PTPRT: variants seen among roughly 807,000 people sequenced by gnomAD.
PTPRT encodes the protein receptor-type tyrosine-protein phosphatase T.
PTPRT carries 56 observed loss-of-function variants against 176.8 expected under a neutral mutation model. That is an observed-to-expected ratio of 0.32 (90% CI 0.26 to 0.40). The LOEUF (loss-of-function observed/expected upper bound fraction) is 0.40. Among genes scored for constraint, PTPRT ranks in the 10% least tolerant of loss-of-function variants. The probability of loss-of-function intolerance (pLI) is 1.00; values close to 1 mark genes in which losing one functional copy is unlikely to be tolerated. For missense variants in PTPRT, 1,540 were observed against 1,908.2 expected (o/e 0.81, Z 3.60); for synonymous variants, 783 against 739.0 (o/e 1.06, Z -0.96).
At chr20:43,007,916 T>A (rs75595807) in intron 1 of PTPRT, among the ~76,000 whole-genome samples, 1 of 152,134 alleles carries the variant, frequency 6.6e-6, no homozygotes, top group East Asian at 1.9e-4. Context: ...GGTGAAGCAA[T>A]AGAACCCTCT....
rs375980008 is a variant in PTPRT at position 43,116,151 on chromosome 20, T to C, written c.88+73495A>G. Among the ~76,000 whole-genome samples, 9 of 152,320 alleles carry C rather than the reference T, an allele frequency of 5.9e-5. No individual in the cohort carries two copies. The East Asian group carries it at 1.3e-3, about 23-fold the overall frequency. On this transcript the variant is annotated intron_variant, in intron 1 of 30. Transcript: ENST00000373187. ...AAGACACCCAAGAATCACTTTTTCATGTAATAACATTCGGCAGCTCACTCA... is the reference window on the plus strand; with the variant it reads ...AAGACACCCAAGAATCACTTTTTCACGTAATAACATTCGGCAGCTCACTCA...
chr20:42,670,052 T>G (rs907836479), intron 7 of PTPRT, among the ~76,000 whole-genome samples: 1 of 152,110 alleles, frequency 6.6e-6, no homozygotes, highest in Non-Finnish European at 1.5e-5. Flanking sequence ...GCCACATGTC[T>G]TACCTTCTCA....
intron 2 of PTPRT, among the ~76,000 whole-genome samples, chr20:42,825,335 C>T (rs2077973666): frequency 6.6e-6 from 1 of 151,990 alleles, no homozygotes. Flanking sequence ...GCAATTTCAA[C>T]ACCCAAGTGT....
intron 12 of PTPRT, among the ~76,000 whole-genome samples, chr20:42,284,035 C>T (rs1489798792): frequency 6.6e-6 from 1 of 152,006 alleles, no homozygotes; most frequent in East Asian, 1.9e-4. Flanking sequence ...GGTTCTCGGG[C>T]TCATAAACAT....
At chr20:42,278,108 T>C (rs1367224802) in intron 13 of PTPRT, among the ~76,000 whole-genome samples, 9 of 87,252 alleles carry the variant, frequency 1.0e-4, no homozygotes, top group African/African-American at 3.8e-4. Flanking sequence ...TATATATATA[T>C]ATATATATAT....
At chr20:42,512,310 A>C (rs1031026326) in intron 7 of PTPRT, among the ~76,000 whole-genome samples, 6 of 152,164 alleles carry the variant, frequency 3.9e-5, no homozygotes, top group African/African-American at 1.4e-4. Flanking sequence ...CACAACTCCT[A>C]ACCCCTGGCA....
At chr20:42,904,304 C>A (rs1204705368) in intron 1 of PTPRT, among the ~76,000 whole-genome samples, 1 of 152,182 alleles carries the variant, frequency 6.6e-6, no homozygotes, top group East Asian at 1.9e-4. Context: ...AACGAAGCTG[C>A]AACTTGCTAA....
In PTPRT at chr20:43,074,002, C is replaced by T. The variant is rs142408441; in HGVS notation, c.88+115644G>A. On this transcript the variant is annotated intron_variant, in intron 1 of 30. Transcript: ENST00000373187. ...CTCCTGGGCTCAAGGGATCCTCTCA[C>T]ATCAATCTCCCAAAGTGCTGGGATT... Among the ~76,000 whole-genome samples, 11 of 152,256 alleles carry T rather than the reference C, an allele frequency of 7.2e-5. No homozygotes were observed. In the East Asian group the frequency reaches 1.9e-3, roughly 27 times the overall value.
At chr20:42,435,083 C>T (rs992627179) in intron 9 of PTPRT, among the ~76,000 whole-genome samples, 4 of 151,944 alleles carry the variant, frequency 2.6e-5, no homozygotes, top group African/African-American at 9.7e-5. Flanking sequence ...CTATTGTGTT[C>T]CAGGTACTAG....
chr20:42,209,853 AT>A (rs1197398311), intron 15 of PTPRT, among the ~76,000 whole-genome samples: 1 of 152,178 alleles, frequency 6.6e-6, no homozygotes, highest in Non-Finnish European at 1.5e-5. Flanking sequence ...AAAAAAGAGA[AT>A]TTTAGACCAA....
intron 28 of PTPRT, among the ~76,000 whole-genome samples, chr20:42,085,128 GTTGGGCAGAGTT>G (rs1983754695): frequency 6.6e-6 from 1 of 152,144 alleles, no homozygotes; most frequent in Non-Finnish European, 1.5e-5. Context: ...CCCTGACTCT[GTTGGGCAGAGTT>G]TTTTCTCCCT....
intron 2 of PTPRT, among the ~76,000 whole-genome samples, chr20:42,882,810 A>G (rs1221151862): frequency 6.6e-6 from 1 of 152,228 alleles, no homozygotes; most frequent in Non-Finnish European, 1.5e-5. Flanking sequence ...GATGCGTGCT[A>G]CTAAGGACAA....
At chr20:42,264,393 A>G (rs972216682) in intron 13 of PTPRT, among the ~76,000 whole-genome samples, 3 of 152,122 alleles carry the variant, frequency 2.0e-5, no homozygotes. Context: ...CTGTTCTAAG[A>G]CTGTTGTTAA....
chr20:43,105,948 C>A (rs2425599), intron 1 of PTPRT, among the ~76,000 whole-genome samples: 80,358 of 151,816 alleles, frequency 0.53, 22,012 homozygotes, highest in African/African-American at 0.66. Context: ...CTAGTTTCCA[C>A]TGTCAAGGAA....
intron 2 of PTPRT, among the ~76,000 whole-genome samples, chr20:42,832,543 A>G (rs1397013832): frequency 2.7e-5 from 4 of 150,454 alleles, no homozygotes; most frequent in Non-Finnish European, 5.9e-5. Context: ...TTTTTAATGT[A>G]GAGAGAAGAG....
intron 16 of PTPRT, among the ~76,000 whole-genome samples, chr20:42,162,838 TG>T (rs1989663590): frequency 6.6e-6 from 1 of 152,230 alleles, no homozygotes; most frequent in African/African-American, 2.4e-5. Context: ...CCATCAGACA[TG>T]GATCCTGTGT....
intron 1 of PTPRT, among the ~76,000 whole-genome samples, chr20:43,088,717 G>A: frequency 6.6e-6 from 1 of 152,088 alleles, no homozygotes; most frequent in Non-Finnish European, 1.5e-5. Flanking sequence ...CCCATCTTTT[G>A]TGGTCTGCAC....
At chr20:42,631,464 G>C (rs1291075993) in intron 7 of PTPRT, among the ~76,000 whole-genome samples, 1 of 152,114 alleles carries the variant, frequency 6.6e-6, no homozygotes, top group Non-Finnish European at 1.5e-5. Flanking sequence ...TGAGAGTTTA[G>C]CATGTAGATG....
At chr20:42,883,706 C>CCA (rs2079045280) in intron 2 of PTPRT, among the ~76,000 whole-genome samples, 1 of 145,830 alleles carries the variant, frequency 6.9e-6, no homozygotes, top group African/African-American at 2.5e-5. Context: ...TCCCATACAC[C>CCA]CCCATACACA....
Sources: allele counts gnomAD v4.1 joint callset (sites outside exome capture counted in the v4.1 genomes callset), GRCh38; gene constraint gnomAD v4.1.1; transcripts MANE v1.5; gene names NCBI Gene and HGNC (gene_info 2026-07-23, HGNC 2026-07-21).